The following CTNNA3 variants were observed in gnomAD, a reference collection of about 807,000 sequenced individuals.
CTNNA3 encodes catenin alpha-3.
A neutral mutation model predicts 95.7 loss-of-function variants in CTNNA3; 76 were observed. That is an observed-to-expected ratio of 0.79 (90% CI 0.66 to 0.96). CTNNA3 has a LOEUF of 0.96. Ranked by LOEUF, CTNNA3 falls within the 40% of genes least tolerant of loss-of-function variation. The pLI is 0.00. For missense variants in CTNNA3, 1,191 were observed against 1,089.8 expected (o/e 1.09, Z -1.31); for synonymous variants, 431 against 374.4 (o/e 1.15, Z -1.74).
intron 13 of CTNNA3, among the ~76,000 whole-genome samples, chr10:66,150,065 G>C (rs1482980080): frequency 6.6e-6 from 1 of 152,248 alleles, no homozygotes; most frequent in African/African-American, 2.4e-5. Flanking sequence ...CATAATGGTT[G>C]ATATGGTTTG....
At chr10:67,334,121 T>A (rs561711824) in intron 5 of CTNNA3, 1 of 152,448 alleles carries the variant, frequency 6.6e-6, no homozygotes, top group Non-Finnish European at 1.5e-5. Flanking sequence ...CCCAAGCTGC[T>A]GAAAGGAAAG....
chr10:66,098,208 T>G (rs1305602337), intron 14 of CTNNA3: 1 of 152,176 alleles, frequency 6.6e-6, no homozygotes, highest in Non-Finnish European at 1.5e-5. Context: ...GTACAGCAAT[T>G]TATAATATTG....
intron 11 of CTNNA3, among the ~76,000 whole-genome samples, chr10:66,407,082 A>G (rs916861114): frequency 3.3e-5 from 5 of 152,102 alleles, no homozygotes; most frequent in South Asian, 2.1e-4. Flanking sequence ...CTTTCCAAGA[A>G]TATCAAACAC....
intron 5 of CTNNA3, among the ~76,000 whole-genome samples, chr10:67,261,808 G>A (rs974720653): frequency 6.6e-6 from 1 of 152,156 alleles, no homozygotes; most frequent in Non-Finnish European, 1.5e-5. Flanking sequence ...ATTCAGAAAA[G>A]AGAAATCAGA....
At chr10:65,927,209 A>T (rs1156886599) in intron 17 of CTNNA3, among the ~76,000 whole-genome samples, 5 of 152,128 alleles carry the variant, frequency 3.3e-5, no homozygotes, top group African/African-American at 1.2e-4. Context: ...GTCTTTAAAA[A>T]TTTTTCTAGT....
At chr10:66,254,958 G>A (rs189137299) in intron 13 of CTNNA3, among the ~76,000 whole-genome samples, 5 of 152,188 alleles carry the variant, frequency 3.3e-5, no homozygotes, top group Non-Finnish European at 4.4e-5. Context: ...TTATCCAAAG[G>A]CCAAGACAAA....
intron 10 of CTNNA3, among the ~76,000 whole-genome samples, chr10:66,560,345 T>C (rs958655565): frequency 6.8e-6 from 1 of 146,728 alleles, no homozygotes; most frequent in African/African-American, 2.8e-5. Context: ...GGCACTGTTG[T>C]CATAATTGAA....
At chr10:67,266,914 C>A (rs545196601) in intron 5 of CTNNA3, among the ~76,000 whole-genome samples, 17 of 152,228 alleles carry the variant, frequency 1.1e-4, no homozygotes, top group African/African-American at 3.6e-4. Context: ...ACATCAAATT[C>A]TATGCTATAA....
intron 9 of CTNNA3, among the ~76,000 whole-genome samples, chr10:66,741,498 C>T (rs1296371386): frequency 1.3e-5 from 2 of 152,144 alleles, no homozygotes; most frequent in Non-Finnish European, 2.9e-5. Context: ...AAACTGACGG[C>T]TGGGAAAACA....
chr10:66,705,214 T>C (rs944744911), intron 9 of CTNNA3, among the ~76,000 whole-genome samples: 2 of 152,116 alleles, frequency 1.3e-5, no homozygotes, highest in African/African-American at 2.4e-5. Flanking sequence ...GGATAAATCG[T>C]ATTTCATTAG....
At chr10:66,840,130 T>A (rs1196181334) in intron 7 of CTNNA3, among the ~76,000 whole-genome samples, 4 of 152,132 alleles carry the variant, frequency 2.6e-5, no homozygotes, top group African/African-American at 9.7e-5. Context: ...GCAATATTAT[T>A]GTTCATGCTG....
chr10:67,558,014 C>A (rs1199537133), intron 3 of CTNNA3, among the ~76,000 whole-genome samples: 1 of 152,174 alleles, frequency 6.6e-6, no homozygotes, highest in Non-Finnish European at 1.5e-5. Context: ...AGGTATGCAT[C>A]TTTTTTGCAG....
chr10:66,961,805 A>G (rs1428307204), intron 7 of CTNNA3, among the ~76,000 whole-genome samples: 1 of 152,128 alleles, frequency 6.6e-6, no homozygotes, highest in African/African-American at 2.4e-5. Flanking sequence ...CAAAGTGACT[A>G]TCCTGATCTT....
At chr10:67,375,910 G>A (rs572811234) in intron 5 of CTNNA3, among the ~76,000 whole-genome samples, 6 of 152,152 alleles carry the variant, frequency 3.9e-5, no homozygotes, top group Admixed American at 2.0e-4. Context: ...CCTTTTGGGA[G>A]GTGATTAGTT....
At chr10:67,432,249 T>C (rs1456860118) in intron 5 of CTNNA3, among the ~76,000 whole-genome samples, 1 of 151,950 alleles carries the variant, frequency 6.6e-6, no homozygotes, top group Non-Finnish European at 1.5e-5. Context: ...AAGATAAAAT[T>C]AGAAATTAAT....
At chr10:65,990,483 T>C (rs2078521799) in intron 15 of CTNNA3, among the ~76,000 whole-genome samples, 1 of 151,330 alleles carries the variant, frequency 6.6e-6, no homozygotes, top group Non-Finnish European at 1.5e-5. Flanking sequence ...AGCTAATTAG[T>C]GATGTTGAGC....
chr10:67,077,525 G>A (rs958878949), intron 7 of CTNNA3, among the ~76,000 whole-genome samples: 6 of 152,006 alleles, frequency 3.9e-5, no homozygotes, highest in South Asian at 2.1e-4. Context: ...TTTGCACAAT[G>A]TTACCTTGGC....
chr10:66,116,653 T>C (rs1363281397), intron 13 of CTNNA3, among the ~76,000 whole-genome samples: 2 of 152,186 alleles, frequency 1.3e-5, no homozygotes, highest in Non-Finnish European at 2.9e-5. Flanking sequence ...TAGTCTGCTC[T>C]CACACTGCTA....
rs78975818 is a variant in CTNNA3 at position 66,496,519 on chromosome 10, G to A, written c.1531+24098C>T. Among the ~76,000 whole-genome samples, 317 of 152,128 alleles carry A rather than the reference G, an allele frequency of 2.1e-3. 7 individuals are homozygous for A. The East Asian group carries it at 0.053, about 25-fold the overall frequency. On this transcript the variant is annotated intron_variant, in intron 11 of 17. Coordinates refer to ENST00000433211, the MANE Select transcript of CTNNA3 (RefSeq NM_013266.4). ...ATTACATAAACCAGAAGATTCTTACGCAATTTCAAAGTTGTCACAAATAAA... is the reference window on the plus strand; with the variant it reads ...ATTACATAAACCAGAAGATTCTTACACAATTTCAAAGTTGTCACAAATAAA...
Sources: allele counts gnomAD v4.1 joint callset (sites outside exome capture counted in the v4.1 genomes callset), GRCh38; gene constraint gnomAD v4.1.1; transcripts MANE v1.5; gene names NCBI Gene and HGNC (gene_info 2026-07-23, HGNC 2026-07-21).